Variants in MAFF observed in about 807,000 individuals in gnomAD.
MAFF encodes the protein MAF bZIP transcription factor F, also known as transcription factor MafF.
Under a neutral mutation model 2.7 loss-of-function variants are expected in MAFF, and 4 were observed. The observed-to-expected ratio is 1.48, with a 90% CI of 0.73 to 3.39. MAFF has a LOEUF of 3.39. MAFF is among the 30% of genes most tolerant of loss of function. The pLI is 0.01. For synonymous variants in MAFF, 113 were observed against 119.4 expected, an observed-to-expected ratio of 0.95 and a Z score of 0.35; for missense variants, 190 against 246.6, an observed-to-expected ratio of 0.77 and a Z score of 1.54.
chr22:38,216,355 ACATAG>A lies in MAFF; in HGVS notation c.*1480_*1484del, dbSNP rs1310454444. On this transcript the variant is annotated 3_prime_UTR_variant, in exon 3 of 3. Transcript: ENST00000338483. Reference sequence around the variant, plus strand: ...GCACCACTGCACTCCAGCCTGGGCAACATAGCAAAATCCTGTCTCAAAAAAAAAGT... The same window carrying A: ...GCACCACTGCACTCCAGCCTGGGCAACAAAATCCTGTCTCAAAAAAAAAGT... 1 of 165,110 alleles carries A rather than the reference ACATAG, an allele frequency of 6.1e-6. No individual in the cohort carries two copies. The highest frequency in any genetic ancestry group is 1.9e-4 in the East Asian group (1 of 5,204). The allele number at this position is 165,110 out of a possible 1,614,324, so 10.2% of individuals were successfully genotyped here.
chr22:38,209,597 G>A (rs1188500594), intron 1 of MAFF, among the ~76,000 whole-genome samples: 1 of 151,850 alleles, frequency 6.6e-6, no homozygotes, highest in Non-Finnish European at 1.5e-5. Context: ...TGGATCACCT[G>A]AGGTTAGGAG....
intron 1 of MAFF, among the ~76,000 whole-genome samples, chr22:38,212,142 G>GGCAT (rs1275859422): frequency 6.6e-6 from 1 of 152,124 alleles, no homozygotes; most frequent in Non-Finnish European, 1.5e-5. Flanking sequence ...TGGGACTACA[G>GGCAT]GCATGCACCA....
Position 38,216,333 on chromosome 22 carries a change from C to T in MAFF, c.*1455C>T, listed in dbSNP as rs1223045002. 3 of 161,990 alleles carry T rather than the reference C, an allele frequency of 1.9e-5. No individual in the cohort carries two copies. The highest frequency in any genetic ancestry group is 4.8e-5 in the African/African-American group (2 of 41,400). 10.0% of individuals were successfully genotyped at this position (161,990 alleles called of 1,614,324 possible). A position where few individuals can be genotyped will look rare whatever the true frequency, so the allele number is the denominator to read the frequency against. ...GAGGTTGTAGTGAGCTGAGATCGCA[C>T]CACTGCACTCCAGCCTGGGCAACAT... On this transcript the variant is annotated 3_prime_UTR_variant, in exon 3 of 3. Transcript: ENST00000338483.
At chr22:38,206,314 G>A (rs1049041186) in intron 1 of MAFF, among the ~76,000 whole-genome samples, 6 of 150,694 alleles carry the variant, frequency 4.0e-5, no homozygotes, top group Non-Finnish European at 5.9e-5. Flanking sequence ...ATGGTGAGAT[G>A]AGGTGATCTT....
Position 38,215,032 on chromosome 22 carries a change from C to A in MAFF, c.*154C>A. On this transcript the variant is annotated 3_prime_UTR_variant, in exon 3 of 3. Transcript: ENST00000338483. ...CTTCGTGGGCCCTGTCTTCCTCTTG[C>A]AGCCCCCCAAACTGGGACCGAATGA... 1.6e-6 allele frequency: 1 copy of A among 644,920 alleles called. No homozygotes were observed. The highest frequency in any genetic ancestry group is 2.8e-6 in the Non-Finnish European group (1 of 362,646). The allele number at this position is 644,920 out of a possible 1,614,324, so 39.9% of individuals were successfully genotyped here. A position where few individuals can be genotyped will look rare whatever the true frequency, so the allele number is the denominator to read the frequency against.
rs974192780 is a variant in MAFF, at chr22:38,216,211, CAA to C, written c.*1338_*1339del. On this transcript the variant is annotated 3_prime_UTR_variant, in exon 3 of 3. Transcript: ENST00000338483. ...ACAACATGGTGAAACCCCATCTCTA[CAA>C]AAAATACAAAAATTAGCCATGCATG... 2 of 153,808 alleles carry C rather than the reference CAA, an allele frequency of 1.3e-5. No homozygotes were observed. Among genetic ancestry groups the C allele is most frequent in the Admixed American group, 1.3e-4 (2 of 15,266 alleles). 9.5% of individuals were successfully genotyped at this position (153,808 alleles called of 1,614,324 possible). A position where few individuals can be genotyped will look rare whatever the true frequency, so the allele number is the denominator to read the frequency against.
At chr22:38,211,945 A>G (rs1167985787) in intron 1 of MAFF, among the ~76,000 whole-genome samples, 7 of 152,170 alleles carry the variant, frequency 4.6e-5, no homozygotes, top group South Asian at 4.1e-4. Context: ...ACGTGTTTAT[A>G]GGATGCTACA....
intron 1 of MAFF, among the ~76,000 whole-genome samples, chr22:38,204,295 A>T (rs1343893054): frequency 6.6e-6 from 1 of 152,182 alleles, no homozygotes; most frequent in Non-Finnish European, 1.5e-5. Flanking sequence ...GATGTGAGGG[A>T]GAAGTCACTG....
intron 1 of MAFF, chr22:38,205,783 G>A (rs2091046934): frequency 6.6e-6 from 1 of 152,254 alleles, no homozygotes; most frequent in Admixed American, 6.5e-5. Flanking sequence ...CAGGGGATCG[G>A]ATCAGCTACT....
intron 1 of MAFF, among the ~76,000 whole-genome samples, chr22:38,210,893 G>T (rs2091094702): frequency 6.6e-6 from 1 of 151,880 alleles, no homozygotes; most frequent in African/African-American, 2.4e-5. Flanking sequence ...AACTCTGTCT[G>T]TACAAAAAGT....
rs1335950895 is a variant in MAFF, at chr22:38,214,245, T to C, written c.37-175T>C. Among the ~76,000 whole-genome samples the C allele has an allele frequency of 6.6e-6, 1 of 152,256 alleles. No homozygotes were observed. Among genetic ancestry groups the C allele is most frequent in the Non-Finnish European group, 1.5e-5 (1 of 68,038 alleles). ...TGAGCCCCGGGGTGGCCTCCTTTTG[T>C]GTCCCGATCCTAGTCTGGCCCGGTT... On this transcript the variant is annotated intron_variant, in intron 2 of 2. Coordinates refer to ENST00000338483, the MANE Select transcript of MAFF (RefSeq NM_012323.4). This position sits in a 1 kb window ranked among gnomAD's most constrained non-coding sequence, Gnocchi z 6.3.
intron 1 of MAFF, among the ~76,000 whole-genome samples, chr22:38,212,290 C>T (rs374304895): frequency 1.3e-5 from 2 of 152,312 alleles, no homozygotes; most frequent in East Asian, 1.9e-4. Flanking sequence ...CGTGAGCCAC[C>T]GCGCCCAGCC....
chr22:38,214,403 T>C lies in MAFF; in HGVS notation c.37-17T>C, dbSNP rs1053767853. The C allele has an allele frequency of 6.4e-7, 1 of 1,568,718 alleles. No individual in the cohort carries two copies. The highest frequency in any genetic ancestry group is 1.7e-5 in the Admixed American group (1 of 57,196). On this transcript the variant is annotated splice_polypyrimidine_tract_variant and intron_variant, in intron 2 of 2. Transcript: ENST00000338483. This position sits in a 1 kb window ranked among gnomAD's most constrained non-coding sequence, Gnocchi z 6.3. ...CCGTCCCCAGTCCCCTGGACCTCAG[T>C]TTCCTCATGCCCGCAGATCAAGCGA...
intron 1 of MAFF, among the ~76,000 whole-genome samples, chr22:38,208,894 G>C (rs1291993640): frequency 6.6e-6 from 1 of 152,034 alleles, no homozygotes; most frequent in Non-Finnish European, 1.5e-5. Flanking sequence ...AAGCGCGGGT[G>C]GGAGGAAGTG....
chr22:38,214,029 G>T lies in MAFF; in HGVS notation c.36+140G>T. The stretch of plus-strand genomic sequence containing the variant: ...CAGGCCTTCATGATGCCAAAGGGAA[G>T]GGCCACAGCCATGGGCTGGGACCAG... On this transcript the variant is annotated intron_variant, in intron 2 of 2. Transcript: ENST00000338483. This position sits in a 1 kb window ranked among gnomAD's most constrained non-coding sequence, Gnocchi z 6.3. The T allele has an allele frequency of 1.1e-6, 1 of 876,366 alleles. No homozygotes were observed. 54.3% of individuals were successfully genotyped at this position (876,366 alleles called of 1,614,324 possible).
Position 38,214,931 on chromosome 22 carries a change from C to A in MAFF, c.*53C>A. The A allele has an allele frequency of 1.5e-6, 2 of 1,375,452 alleles. No individual in the cohort carries two copies. Among genetic ancestry groups the A allele is most frequent in the Non-Finnish European group, 1.0e-6 (1 of 998,456 alleles). The allele number at this position is 1,375,452 out of a possible 1,614,324, so 85.2% of individuals were successfully genotyped here. The stretch of plus-strand genomic sequence containing the variant: ...GCCCCTCCGGCCTCAGCTCCCTCCC[C>A]AAAGTGCCTGAGCGCCGCCTCTGTG... On this transcript the variant is annotated 3_prime_UTR_variant, in exon 3 of 3. Transcript: ENST00000338483. The surrounding 1 kb of genome is among the most constrained non-coding windows in gnomAD (Gnocchi z 6.3).
intron 1 of MAFF, among the ~76,000 whole-genome samples, chr22:38,211,264 T>C (rs1347950201): frequency 1.6e-4 from 23 of 148,062 alleles, no homozygotes; most frequent in African/African-American, 5.8e-4. Flanking sequence ...AGTCTCACTC[T>C]CGCCCAGGCT....
intron 1 of MAFF, among the ~76,000 whole-genome samples, chr22:38,204,985 G>A (rs1396453142): frequency 6.6e-6 from 1 of 152,118 alleles, no homozygotes; most frequent in Non-Finnish European, 1.5e-5. Context: ...GCAGGCGGTT[G>A]TGGTCATGGT....
At chr22:38,204,739 G>A (rs2146009880) in intron 1 of MAFF, among the ~76,000 whole-genome samples, 1 of 152,316 alleles carries the variant, frequency 6.6e-6, no homozygotes, top group African/African-American at 2.4e-5. Context: ...AGTAGAATTT[G>A]CTGTCTGTTC....
Sources: allele counts gnomAD v4.1 joint callset (sites outside exome capture counted in the v4.1 genomes callset), GRCh38; gene constraint gnomAD v4.1.1; non-coding constraint Gnocchi (gnomAD v3.1); transcripts MANE v1.5; gene names NCBI Gene and HGNC (gene_info 2026-07-23, HGNC 2026-07-21).